HTR2C: variants seen among roughly 807,000 people sequenced by gnomAD.
The protein encoded by HTR2C is 5-hydroxytryptamine receptor 2C.
HTR2C carries 5 observed loss-of-function variants against 21.0 expected under a neutral mutation model. The ratio of observed to expected loss-of-function variants is 0.24; its 90% confidence interval spans 0.12 to 0.50. HTR2C has a LOEUF of 0.50. Among genes scored for constraint, HTR2C ranks in the 20% least tolerant of loss-of-function variants. The probability of loss-of-function intolerance (pLI) is 0.98; values close to 1 mark genes in which losing one functional copy is unlikely to be tolerated. For synonymous variants in HTR2C, 150 were observed against 145.3 expected (o/e 1.03, Z -0.23); for missense variants, 271 against 371.2 (o/e 0.73, Z 2.22).
At chrX:114,656,730 G>T (rs993432870) in intron 2 of HTR2C, among the ~76,000 whole-genome samples, 1 of 110,197 alleles carries the variant, frequency 9.1e-6, no homozygotes, top group Non-Finnish European at 1.9e-5. Context: ...GATTATCATA[G>T]ACTTTACACA....
At chrX:114,677,409 T>C (rs1396690274) in intron 2 of HTR2C, among the ~76,000 whole-genome samples, 1 of 111,235 alleles carries the variant, frequency 9.0e-6, no homozygotes, top group Non-Finnish European at 1.9e-5. Context: ...GGAAAAACTA[T>C]GTCTCAATGA....
intron 3 of HTR2C, among the ~76,000 whole-genome samples, chrX:114,727,475 A>T (rs1449337046): frequency 2.7e-5 from 3 of 112,050 alleles, no homozygotes; most frequent in African/African-American, 6.5e-5. Flanking sequence ...AGCCAATAAT[A>T]TACAACATAA....
At chrX:114,672,335 T>A (rs782033922) in intron 2 of HTR2C, among the ~76,000 whole-genome samples, 3 of 110,617 alleles carry the variant, frequency 2.7e-5, no homozygotes, top group East Asian at 5.7e-4. Context: ...AAAGTGGCAG[T>A]GAGCTATGAT....
At chrX:114,678,003 G>T (rs1444574501) in intron 2 of HTR2C, among the ~76,000 whole-genome samples, 1 of 109,694 alleles carries the variant, frequency 9.1e-6, no homozygotes, top group African/African-American at 3.3e-5. Context: ...AGATCGTTCA[G>T]TACTGCTTTG....
chrX:114,700,028 A>G (rs1305148716), intron 2 of HTR2C, among the ~76,000 whole-genome samples: 8 of 111,923 alleles, frequency 7.1e-5, no homozygotes, highest in Non-Finnish European at 1.3e-4. Flanking sequence ...TAATAAATAG[A>G]TCTCTTCATT....
intron 2 of HTR2C, among the ~76,000 whole-genome samples, chrX:114,726,649 A>C (rs963911441): frequency 1.8e-4 from 20 of 112,414 alleles, no homozygotes; most frequent in African/African-American, 6.5e-4. Flanking sequence ...ATATACAGAA[A>C]ATTTTTAAAA....
At chrX:114,839,378 T>C (rs1281401011) in intron 4 of HTR2C, among the ~76,000 whole-genome samples, 1 of 111,813 alleles carries the variant, frequency 8.9e-6, no homozygotes, top group Non-Finnish European at 1.9e-5. Flanking sequence ...TGGCTAAAAC[T>C]CCAATAAAAA....
At chrX:114,643,813 A>G (rs73580543) in intron 2 of HTR2C, among the ~76,000 whole-genome samples, 2,293 of 111,549 alleles carry the variant, frequency 0.021, 65 homozygotes, top group African/African-American at 0.07. Flanking sequence ...CAATCCCTCA[A>G]ACTACCAACT....
chrX:114,784,271 A>G (rs1187123884), intron 4 of HTR2C, among the ~76,000 whole-genome samples: 4 of 111,487 alleles, frequency 3.6e-5, no homozygotes, highest in Non-Finnish European at 7.5e-5. Flanking sequence ...ACATAAATTA[A>G]CATAACAAAA....
At chrX:114,673,285 AT>A in intron 2 of HTR2C, among the ~76,000 whole-genome samples, 1 of 112,066 alleles carries the variant, frequency 8.9e-6, no homozygotes, top group South Asian at 3.6e-4. Flanking sequence ...TATTACATTC[AT>A]TTTTTATGAT....
intron 5 of HTR2C, among the ~76,000 whole-genome samples, chrX:114,890,687 A>G (rs1388620033): frequency 8.9e-6 from 1 of 112,017 alleles, no homozygotes; most frequent in Non-Finnish European, 1.9e-5. Context: ...CCTGTCCTTC[A>G]TAGTTTCTTG....
chrX:114,873,155 T>C (rs1556477005), intron 5 of HTR2C, among the ~76,000 whole-genome samples: 1 of 111,782 alleles, frequency 8.9e-6, no homozygotes, highest in Non-Finnish European at 1.9e-5. Context: ...CTGAATCTTA[T>C]TCATTTACTC....
chrX:114,606,819 A>G (rs1479785931), intron 1 of HTR2C, among the ~76,000 whole-genome samples: 15 of 111,620 alleles, frequency 1.3e-4, no homozygotes, highest in Non-Finnish European at 2.6e-4. Flanking sequence ...TGAAGAGACC[A>G]CTAAACAGGC....
At chrX:114,892,101 C>T (rs2071263017) in intron 5 of HTR2C, among the ~76,000 whole-genome samples, 1 of 111,536 alleles carries the variant, frequency 9.0e-6, no homozygotes, top group Non-Finnish European at 1.9e-5. Flanking sequence ...AGGATCTGTA[C>T]ATCTATGTAC....
intron 2 of HTR2C, among the ~76,000 whole-genome samples, chrX:114,645,306 G>GA (rs1226075402): frequency 2.7e-5 from 3 of 110,289 alleles, no homozygotes; most frequent in East Asian, 2.9e-4. Context: ...CTCACATAAG[G>GA]AAAAAAAAGT....
chrX:114,691,151 T>C (rs1556415070), intron 2 of HTR2C, among the ~76,000 whole-genome samples: 1 of 111,494 alleles, frequency 9.0e-6, no homozygotes, highest in Non-Finnish European at 1.9e-5. Flanking sequence ...TTCTTTAAAA[T>C]GAATACTAGA....
chrX:114,893,081 T>G (rs1415061513), intron 5 of HTR2C, among the ~76,000 whole-genome samples: 1 of 108,243 alleles, frequency 9.2e-6, no homozygotes, highest in East Asian at 2.9e-4. Flanking sequence ...CCCAGCTACT[T>G]TTTTTGTATT....
chrX:114,771,487 C>A lies in HTR2C; in HGVS notation c.349+39880C>A, dbSNP rs782774571. ...AGGAGATTTTTGTGGGAGGTCACAC[C>A]TTCAAATTTCAGAGAATTTACAAGT... is the stretch of plus-strand genomic sequence containing the variant. On this transcript the variant is annotated intron_variant, in intron 4 of 5. Coordinates refer to ENST00000276198, the MANE Select transcript of HTR2C (RefSeq NM_000868.4). Among the ~76,000 whole-genome samples, 377 of 111,524 alleles carry A rather than the reference C, an allele frequency of 3.4e-3. 1 individual carries two copies. Among genetic ancestry groups the A allele is most frequent in the Non-Finnish European group, 5.3e-3 (283 of 53,139 alleles).
At chrX:114,738,061 T>G (rs1556424815) in intron 4 of HTR2C, among the ~76,000 whole-genome samples, 1 of 111,871 alleles carries the variant, frequency 8.9e-6, no homozygotes, top group East Asian at 2.8e-4. Context: ...TCATGTGAAT[T>G]GAAAAAACTC....
Sources: allele counts gnomAD v4.1 joint callset (sites outside exome capture counted in the v4.1 genomes callset), GRCh38; gene constraint gnomAD v4.1.1; transcripts MANE v1.5; gene names NCBI Gene and HGNC (gene_info 2026-07-23, HGNC 2026-07-21).